Variants in HAPLN1 observed in about 807,000 individuals in gnomAD.
HAPLN1 encodes hyaluronan and proteoglycan link protein 1.
Under a neutral mutation model 36.5 loss-of-function variants are expected in HAPLN1, and 13 were observed. The ratio of observed to expected loss-of-function variants is 0.36; its 90% confidence interval spans 0.23 to 0.57. The LOEUF is 0.57. HAPLN1 is among the 20% of genes least tolerant of loss of function. The pLI is 0.83. For synonymous variants in HAPLN1, 202 were observed against 169.8 expected (o/e 1.19, Z -1.48); for missense variants, 407 against 439.7 (o/e 0.93, Z 0.66).
rs181816314 is a variant in HAPLN1, at chr5:83,699,821, C to A, written c.-27+20968G>T. 2.6e-5 allele frequency among the ~76,000 whole-genome samples: 4 copies of A among 152,230 alleles called. No homozygotes were observed. In the East Asian group the frequency reaches 7.7e-4, roughly 29 times the overall value. On this transcript the variant is annotated intron_variant, in intron 1 of 4. Transcript: ENST00000274341. ...TAACAACCAATTATACTATTGATAA[C>A]AATAGGAGCATGAAGCAAACAACAC... is the stretch of plus-strand genomic sequence containing the variant.
At chr5:83,667,914 T>C (rs1750598457) in intron 2 of HAPLN1, among the ~76,000 whole-genome samples, 1 of 152,224 alleles carries the variant, frequency 6.6e-6, no homozygotes. Flanking sequence ...AGATGCTGCA[T>C]GTTATGTGGG....
intron 1 of HAPLN1, among the ~76,000 whole-genome samples, chr5:83,694,780 A>G (rs141046586): frequency 8.0e-4 from 122 of 152,256 alleles, no homozygotes; most frequent in African/African-American, 2.7e-3. Context: ...AAATGAACAA[A>G]AAAATAAACA....
Position 83,673,455 on chromosome 5 carries a change from A to G in HAPLN1, c.69T>C (p.Thr23=), listed in dbSNP as rs764995770. The G allele has an allele frequency of 6.2e-7, 1 of 1,612,296 alleles. No homozygotes were observed. Among genetic ancestry groups the G allele is most frequent in the South Asian group, 1.1e-5 (1 of 90,692 alleles). The change falls in exon 2 of 5, where the codon ACT becomes ACC. Residue 23 remains threonine (T), a synonymous_variant. Transcript: ENST00000274341. ...TGTGAATAGCTCTGTCATGATCCAG[A>G]GTATAGTTGTCTGAAAGATGATCAG... ...CWADHLSDNY[T]LDHDRAIHIQ...
intron 1 of HAPLN1, among the ~76,000 whole-genome samples, chr5:83,715,914 C>T (rs370090956): frequency 6.6e-6 from 1 of 152,114 alleles, no homozygotes; most frequent in Admixed American, 6.6e-5. Flanking sequence ...TGTAACATTT[C>T]GGGTTTATGA....
intron 3 of HAPLN1, among the ~76,000 whole-genome samples, chr5:83,646,382 G>A (rs1006541333): frequency 5.9e-5 from 9 of 152,158 alleles, no homozygotes; most frequent in Admixed American, 3.9e-4. Context: ...GACTGCAGAC[G>A]CTATTCAAGA....
chr5:83,661,679 G>C (rs1401373086), intron 2 of HAPLN1, among the ~76,000 whole-genome samples: 1 of 152,004 alleles, frequency 6.6e-6, no homozygotes, highest in East Asian at 1.9e-4. Flanking sequence ...CCCTGACCTC[G>C]TGATCCGCCC....
chr5:83,689,656 G>A (rs1266646072), intron 1 of HAPLN1, among the ~76,000 whole-genome samples: 1 of 151,980 alleles, frequency 6.6e-6, no homozygotes, highest in Non-Finnish European at 1.5e-5. Context: ...TGCAGAATAG[G>A]CTAAATAATG....
At chr5:83,681,960 A>T (rs1348540901) in intron 1 of HAPLN1, among the ~76,000 whole-genome samples, 1 of 152,200 alleles carries the variant, frequency 6.6e-6, no homozygotes, top group Non-Finnish European at 1.5e-5. Flanking sequence ...ATAATTTGAA[A>T]CAAGAGTTTT....
rs1370627987 is a variant in HAPLN1 at position 83,637,895 on chromosome 5, T to A, written c.*3601A>T. 1 of 151,986 alleles carries A rather than the reference T, an allele frequency of 6.6e-6. No individual in the cohort carries two copies. Among genetic ancestry groups the A allele is most frequent in the Admixed American group, 6.6e-5 (1 of 15,252 alleles). 9.4% of individuals were successfully genotyped at this position (151,986 alleles called of 1,614,324 possible). A position where few individuals can be genotyped will look rare whatever the true frequency, so the allele number is the denominator to read the frequency against. On this transcript the variant is annotated 3_prime_UTR_variant, in exon 5 of 5. Transcript: ENST00000274341. Reference sequence around the variant, plus strand: ...TTAATCTAATCAACAACACAATAGATTTCTGGGATTGCTGAACTGGTGGGC... The same window carrying A: ...TTAATCTAATCAACAACACAATAGAATTCTGGGATTGCTGAACTGGTGGGC...
chr5:83,695,103 A>T (rs1310058942), intron 1 of HAPLN1, among the ~76,000 whole-genome samples: 2 of 152,178 alleles, frequency 1.3e-5, no homozygotes, highest in Non-Finnish European at 2.9e-5. Flanking sequence ...GGTTTTCTTT[A>T]TATTAGAAAA....
chr5:83,684,184 A>G (rs1751068411), intron 1 of HAPLN1, among the ~76,000 whole-genome samples: 1 of 152,166 alleles, frequency 6.6e-6, no homozygotes, highest in African/African-American at 2.4e-5. Context: ...ATCTGAGCAT[A>G]TCCAAAGAGA....
intron 2 of HAPLN1, among the ~76,000 whole-genome samples, chr5:83,657,874 T>C (rs1429666673): frequency 6.6e-6 from 1 of 151,904 alleles, no homozygotes; most frequent in Non-Finnish European, 1.5e-5. Context: ...AAATAATCTC[T>C]CCAAGAAAAT....
intron 4 of HAPLN1, among the ~76,000 whole-genome samples, chr5:83,643,074 A>G (rs774667434): frequency 2.0e-5 from 3 of 152,176 alleles, no homozygotes; most frequent in Non-Finnish European, 4.4e-5. Context: ...CTGTAATCCC[A>G]GCACTTTAGG....
intron 1 of HAPLN1, among the ~76,000 whole-genome samples, chr5:83,699,256 G>A (rs1042128918): frequency 3.9e-5 from 6 of 152,180 alleles, no homozygotes; most frequent in Non-Finnish European, 7.3e-5. Flanking sequence ...TTTCTCAAAT[G>A]TGTCCAGAAT....
At chr5:83,715,409 G>A (rs960917747) in intron 1 of HAPLN1, among the ~76,000 whole-genome samples, 3 of 152,240 alleles carry the variant, frequency 2.0e-5, no homozygotes, top group Middle Eastern at 3.4e-3. Flanking sequence ...TTGGGTAAAT[G>A]CAAAGAAAGG....
At position 83,719,405 on chromosome 5, in the gene HAPLN1, A is replaced by C. The variant is rs1751978015; in HGVS notation, c.-27+1384T>G. On this transcript the variant is annotated intron_variant, in intron 1 of 4. Transcript: ENST00000274341. ...TTACTTCTTATCTAGTTCTGTTTTT[A>C]AGCTGTTTCCAATTTAGTGGAAGAG... Among the ~76,000 whole-genome samples, 4 of 152,266 alleles carry C rather than the reference A, an allele frequency of 2.6e-5. No individual in the cohort carries two copies. In the South Asian group the frequency reaches 8.3e-4, roughly 32 times the overall value.
chr5:83,656,700 C>A (rs562644148), intron 2 of HAPLN1, among the ~76,000 whole-genome samples: 2 of 152,132 alleles, frequency 1.3e-5, no homozygotes, highest in Admixed American at 1.3e-4. Context: ...AGATCTGATG[C>A]CCTTCAAAGC....
chr5:83,659,587 T>C (rs1202688784), intron 2 of HAPLN1, among the ~76,000 whole-genome samples: 1 of 151,996 alleles, frequency 6.6e-6, no homozygotes, highest in African/African-American at 2.4e-5. Context: ...TAAATAAAAA[T>C]CTTATAAAAA....
chr5:83,669,122 T>C (rs1054090826), intron 2 of HAPLN1, among the ~76,000 whole-genome samples: 1 of 152,212 alleles, frequency 6.6e-6, no homozygotes, highest in Admixed American at 6.5e-5. Context: ...TGTGCTCACA[T>C]AGTAAATACA....
Sources: gnomAD v4.1 joint callset for allele counts (sites outside exome capture counted in the v4.1 genomes callset) on GRCh38, gnomAD v4.1.1 for gene constraint, MANE v1.5 for transcripts, NCBI Gene and HGNC (gene_info 2026-07-23, HGNC 2026-07-21) for gene names.